BLK: variants seen among roughly 807,000 people sequenced by gnomAD.
BLK encodes the protein tyrosine-protein kinase Blk.
Under a neutral mutation model 61.8 loss-of-function variants are expected in BLK, and 64 were observed. The observed-to-expected ratio is 1.03, with a 90% CI of 0.85 to 1.27. The LOEUF is 1.27. BLK is among the 50% of genes most tolerant of loss of function. The pLI, the probability that BLK is intolerant of heterozygous loss-of-function variation, is 0.00. For synonymous variants in BLK, 351 were observed against 272.0 expected, an observed-to-expected ratio of 1.29 and a Z score of -2.86; for missense variants, 853 against 660.5, an observed-to-expected ratio of 1.29 and a Z score of -3.19.
chr8:11,522,523 T>G (rs1042919494), intron 1 of BLK, among the ~76,000 whole-genome samples: 2 of 152,080 alleles, frequency 1.3e-5, no homozygotes, highest in Non-Finnish European at 2.9e-5. Context: ...ATATCTAAAT[T>G]CCCTGTGTTG....
intron 1 of BLK, among the ~76,000 whole-genome samples, chr8:11,540,790 C>A (rs550580838): frequency 6.6e-6 from 1 of 151,068 alleles, no homozygotes; most frequent in African/African-American, 2.4e-5. Flanking sequence ...GATGGCTTCA[C>A]AACTGAGTTC....
At chr8:11,535,223 A>G (rs4642601) in intron 1 of BLK, among the ~76,000 whole-genome samples, 22,100 of 69,010 alleles carry the variant, frequency 0.32, 2,249 homozygotes, top group Non-Finnish European at 0.37. Flanking sequence ...AAGAGAGAGA[A>G]AGAAAGAAAA....
At chr8:11,509,574 G>C (rs1798917925) in intron 1 of BLK, 1 of 152,188 alleles carries the variant, frequency 6.6e-6, no homozygotes, top group Non-Finnish European at 1.5e-5. Context: ...TTCTGTGGTT[G>C]TCTAAGCCTG....
At position 11,564,153 on chromosome 8, in the gene BLK, A is replaced by AC; in HGVS notation, c.*49dup. On this transcript the variant is annotated 3_prime_UTR_variant, in exon 13 of 13. Coordinates refer to ENST00000259089, the MANE Select transcript of BLK (RefSeq NM_001715.3). Reference sequence around the variant, plus strand: ...CCCCGTGCCCACCTCTGCGCGGACGACCCCGACTTCCGTGCCATCCCAGAC... The same window carrying AC: ...CCCCGTGCCCACCTCTGCGCGGACGACCCCCGACTTCCGTGCCATCCCAGAC... 6.5e-7 allele frequency: 1 copy of AC among 1,529,220 alleles called. No homozygotes were observed. The highest frequency in any genetic ancestry group is 1.2e-5 in the South Asian group (1 of 83,854). The allele number at this position is 1,529,220 out of a possible 1,614,324, so 94.7% of individuals were successfully genotyped here. A position where few individuals can be genotyped will look rare whatever the true frequency, so the allele number is the denominator to read the frequency against.
intron 1 of BLK, among the ~76,000 whole-genome samples, chr8:11,520,147 G>A (rs999564329): frequency 4.6e-5 from 7 of 152,034 alleles, no homozygotes; most frequent in Admixed American, 4.6e-4. Context: ...TATGATTAAG[G>A]AGGGCTCATT....
At position 11,546,054 on chromosome 8, in the gene BLK, T is replaced by A; in HGVS notation, c.126T>A (p.Val42=). The A allele has an allele frequency of 6.2e-7, 1 of 1,614,142 alleles. No individual in the cohort carries two copies. The highest frequency in any genetic ancestry group is 8.5e-7 in the Non-Finnish European group (1 of 1,180,002). Residue 42 remains valine, a splice_region_variant and synonymous_variant, in exon 3 of 13, where the codon GTT becomes GTA. Coordinates refer to ENST00000259089, the MANE Select transcript of BLK (RefSeq NM_001715.3). ...DKDAPPLPPL[V]VFNHLTPPPP... The stretch of plus-strand genomic sequence containing the variant: ...CAAGTGTGTGTTTTCTACCCAAGGT[T>A]GTCTTCAACCACCTTACTCCTCCAC...
In BLK at chr8:11,548,126, G is replaced by T. The variant is rs199883114; in HGVS notation, c.269+1G>T. 3 of 1,612,106 alleles carry T rather than the reference G, an allele frequency of 1.9e-6. No individual in the cohort carries two copies. The highest frequency in any genetic ancestry group is 2.2e-5 in the East Asian group (1 of 44,870). On this transcript the variant is annotated splice_donor_variant, in intron 4 of 12. Transcript: ENST00000259089. LOFTEE classifies it high-confidence loss of function. ...GGGAGAAGCTACAGGTCCTGAAGGG[G>T]TGAGGTTCCAGGACACCATCCCCTG...
Position 11,555,466 on chromosome 8 carries a change from T to G in BLK, c.754T>G (p.Phe252Val). 1 of 1,614,158 alleles carries G rather than the reference T, an allele frequency of 6.2e-7. No individual in the cohort carries two copies. Among genetic ancestry groups the G allele is most frequent in the Non-Finnish European group, 8.5e-7 (1 of 1,180,024 alleles). ...RLVRKLGSGQFGEVWMGYYKN... is the reference protein window; with the variant it reads ...RLVRKLGSGQVGEVWMGYYKN... ...GGTCAGGAAACTCGGGTCTGGACAA[T>G]TCGGCGAAGTCTGGATGGGTGAGTG... is the stretch of plus-strand genomic sequence containing the variant. The change falls in exon 8 of 13, where the codon TTC (phenylalanine) becomes GTC (valine). Residue 252 changes from phenylalanine to valine, a missense_variant. Phe to Val is a conservative substitution (Grantham distance 50, BLOSUM62 -1). Coordinates refer to ENST00000259089, the MANE Select transcript of BLK (RefSeq NM_001715.3).
chr8:11,508,291 G>C (rs960607758), intron 1 of BLK, among the ~76,000 whole-genome samples: 5 of 152,180 alleles, frequency 3.3e-5, no homozygotes, highest in Non-Finnish European at 7.3e-5. Flanking sequence ...CACATGCACA[G>C]CTACTGGGGG....
intron 1 of BLK, among the ~76,000 whole-genome samples, chr8:11,537,063 G>A (rs542795025): frequency 5.7e-4 from 87 of 152,288 alleles, no homozygotes; most frequent in African/African-American, 1.8e-3. Context: ...AACTGTTATC[G>A]GGGCTGTTTC....
intron 1 of BLK, among the ~76,000 whole-genome samples, chr8:11,540,593 T>C (rs1352113782): frequency 6.6e-6 from 1 of 152,122 alleles, no homozygotes; most frequent in Admixed American, 6.6e-5. Context: ...CAGAGTATAA[T>C]AATTACAAGA....
chr8:11,538,174 G>A (rs576227916), intron 1 of BLK, among the ~76,000 whole-genome samples: 1 of 152,250 alleles, frequency 6.6e-6, no homozygotes, highest in South Asian at 2.1e-4. Context: ...GCACATAAGT[G>A]TGTATGCTTC....
rs138716203 is a variant in BLK, at chr8:11,554,933, C to T, written c.619+44C>T. ...TGGGGGCAGGGACTTGTGCCAAGAG[C>T]CCCTGGATCTCTCGCTAAGATTCCC... On this transcript the variant is annotated intron_variant, in intron 7 of 12. Coordinates refer to ENST00000259089, the MANE Select transcript of BLK (RefSeq NM_001715.3). 8.6e-5 allele frequency: 137 copies of T among 1,602,326 alleles called. 1 individual carries two copies. In the African/African-American group the frequency reaches 1.7e-3, roughly 20 times the overall value.
intron 1 of BLK, among the ~76,000 whole-genome samples, chr8:11,520,113 A>G (rs1414822258): frequency 3.3e-5 from 5 of 152,226 alleles, no homozygotes; most frequent in African/African-American, 1.2e-4. Flanking sequence ...AAAACAAGCT[A>G]TTTCAATCAA....
At chr8:11,520,857 G>A (rs1442667147) in intron 1 of BLK, among the ~76,000 whole-genome samples, 1 of 152,110 alleles carries the variant, frequency 6.6e-6, no homozygotes, top group African/African-American at 2.4e-5. Context: ...AAAATCAATA[G>A]CTTTCTTTTT....
At chr8:11,534,004 T>C (rs1489380933) in intron 1 of BLK, among the ~76,000 whole-genome samples, 1 of 152,204 alleles carries the variant, frequency 6.6e-6, no homozygotes. Flanking sequence ...GCTCGGCCAA[T>C]TGAAGAAAGG....
At chr8:11,550,099 G>A in intron 5 of BLK, 60 bp from the exon 6 acceptor site, 2 of 1,464,196 alleles carry the variant, frequency 1.4e-6, no homozygotes, top group South Asian at 1.1e-5. Flanking sequence ...GGGAGGCTGT[G>A]TGGGAATACT....
At chr8:11,515,481 G>A (rs1396500726) in intron 1 of BLK, among the ~76,000 whole-genome samples, 3 of 152,050 alleles carry the variant, frequency 2.0e-5, no homozygotes, top group African/African-American at 4.8e-5. Context: ...GGCGCACAGG[G>A]GTCCTCCCTG....
rs746568651 is a variant in BLK at position 11,550,268 on chromosome 8, C to T, written c.472+6C>T. On this transcript the variant is annotated splice_donor_region_variant and intron_variant, in intron 6 of 12. Coordinates refer to ENST00000259089, the MANE Select transcript of BLK (RefSeq NM_001715.3). ...AGAGAGTGAAACCAACAAAGGTAGG[C>T]TTGGTGGCTTTGCCTGCCTTCCTTG... The T allele has an allele frequency of 1.9e-6, 3 of 1,613,350 alleles. No homozygotes were observed. The highest frequency in any genetic ancestry group is 2.7e-5 in the African/African-American group (2 of 74,918).
Sources: gnomAD v4.1 joint callset for allele counts (sites outside exome capture counted in the v4.1 genomes callset) on GRCh38, gnomAD v4.1.1 for gene constraint, MANE v1.5 for transcripts, NCBI Gene and HGNC (gene_info 2026-07-23, HGNC 2026-07-21) for gene names.